Variants in ALOX12 observed in about 807,000 individuals in gnomAD.
The protein encoded by ALOX12 is polyunsaturated fatty acid lipoxygenase ALOX12.
A neutral mutation model predicts 85.5 loss-of-function variants in ALOX12; 62 were observed. The ratio of observed to expected loss-of-function variants is 0.73; its 90% CI spans 0.59 to 0.90. The LOEUF (loss-of-function observed/expected upper bound fraction) is 0.90. Ranked by LOEUF, ALOX12 falls within the 40% of genes least tolerant of loss-of-function variation. The pLI, the probability that ALOX12 is intolerant of heterozygous loss-of-function variation, is 0.00. For synonymous variants in ALOX12, 299 were observed against 332.7 expected (o/e 0.90, Z 1.10); for missense variants, 751 against 856.5 (o/e 0.88, Z 1.54).
At chr17:7,005,183 G>T (rs917553406) in intron 8 of ALOX12, 74 bp from the exon 9 acceptor site, 34 of 1,309,238 alleles carry the variant, frequency 2.6e-5, no homozygotes, top group Non-Finnish European at 3.7e-5. Context: ...GCGCCATGCT[G>T]GGTGCCAGGC....
rs2151639614 is a variant in ALOX12, at chr17:6,999,287, C to T, written c.647-19C>T. On this transcript the variant is annotated intron_variant, in intron 5 of 13. Transcript: ENST00000251535. ...TGCAGGCTGTGGTACATATATCCTC[C>T]TTTCACCGCCCACCAAAGAGAAGGT... is the stretch of plus-strand genomic sequence containing the variant. 6.2e-7 allele frequency: 1 copy of T among 1,614,050 alleles called. No individual in the cohort carries two copies. Among genetic ancestry groups the T allele is most frequent in the Non-Finnish European group, 8.5e-7 (1 of 1,179,952 alleles).
chr17:7,007,742 G>A (rs181884044), intron 11 of ALOX12, among the ~76,000 whole-genome samples: 9 of 152,138 alleles, frequency 5.9e-5, no homozygotes, highest in Non-Finnish European at 8.8e-5. Flanking sequence ...TTAGCCAGGC[G>A]TCGTGGCACG....
Position 6,998,944 on chromosome 17 carries a change from C to T in ALOX12, c.543-9C>T, listed in dbSNP as rs1908577944. 6.2e-7 allele frequency: 1 copy of T among 1,614,038 alleles called. No homozygotes were observed. The highest frequency in any genetic ancestry group is 1.3e-5 in the African/African-American group (1 of 74,926). On this transcript the variant is annotated splice_polypyrimidine_tract_variant and intron_variant, in intron 4 of 13. Transcript: ENST00000251535. Reference sequence around the variant, plus strand: ...CAGCTGATGAGTTAAGCCTCAATACCTGTCCTAGGGCTCTGGAGATGGCCC... The same window carrying T: ...CAGCTGATGAGTTAAGCCTCAATACTTGTCCTAGGGCTCTGGAGATGGCCC...
chr17:7,006,568 G>A lies in ALOX12; in HGVS notation c.1501G>A (p.Glu501Lys). 6.2e-7 allele frequency: 1 copy of A among 1,612,940 alleles called. No homozygotes were observed. The highest frequency in any genetic ancestry group is 8.5e-7 in the Non-Finnish European group (1 of 1,179,374). The part of the protein sequence containing the change: ...GDPELQAWCR[E>K]ITEVGLCQAQ... ...CCCTGAGCTGCAGGCCTGGTGTCGG[G>A]AGATCACGGAGGTGGGGCTGTGCCA... The change falls in exon 11 of 14, where the codon GAG (glutamate) becomes AAG (lysine). Residue 501 changes from glutamate to lysine, a missense_variant. Coordinates refer to ENST00000251535, the MANE Select transcript of ALOX12 (RefSeq NM_000697.3).
intron 11 of ALOX12, among the ~76,000 whole-genome samples, chr17:7,009,264 T>C (rs1305989247): frequency 6.6e-6 from 1 of 151,866 alleles, no homozygotes; most frequent in Non-Finnish European, 1.5e-5. Flanking sequence ...TTTCACCGTG[T>C]TAGCCAGGAT....
Position 6,998,750 on chromosome 17 carries a change from T to C in ALOX12, c.455T>C (p.Ile152Thr). The C allele has an allele frequency of 6.2e-7, 1 of 1,611,174 alleles. No homozygotes were observed. Among genetic ancestry groups the C allele is most frequent in the South Asian group, 1.1e-5 (1 of 90,926 alleles). Residue 152 changes from isoleucine to threonine, a missense_variant, in exon 4 of 14, where the codon ATC becomes ACC. By Grantham distance (89) the Ile-to-Thr change is moderately conservative. Coordinates refer to ENST00000251535, the MANE Select transcript of ALOX12 (RefSeq NM_000697.3). ...TGGAAGGAAGGGTTACCCCTGACCA[T>C]CGCTGCAGACCGTAAGGATGATCTA... ...ATWKEGLPLT[I>T]AADRKDDLPP...
chr17:7,000,249 A>G lies in ALOX12; in HGVS notation c.808-87A>G. ...GTACTGATGCAGGAGAATGGCAAGA[A>G]GCTAGACTAAATCTCTTGCCCTTTG... On this transcript the variant is annotated intron_variant, in intron 6 of 13. Coordinates refer to ENST00000251535, the MANE Select transcript of ALOX12 (RefSeq NM_000697.3). The surrounding 1 kb of genome is among the most constrained non-coding windows in gnomAD (Gnocchi z 4.6). The G allele has an allele frequency of 6.8e-7, 1 of 1,481,382 alleles. No individual in the cohort carries two copies. The highest frequency in any genetic ancestry group is 9.3e-7 in the Non-Finnish European group (1 of 1,076,896). The allele number at this position is 1,481,382 out of a possible 1,614,324, so 91.8% of individuals were successfully genotyped here. A position where few individuals can be genotyped will look rare whatever the true frequency, so the allele number is the denominator to read the frequency against.
intron 11 of ALOX12, among the ~76,000 whole-genome samples, chr17:7,007,245 A>C (rs1461431191): frequency 6.6e-6 from 1 of 152,162 alleles, no homozygotes; most frequent in African/African-American, 2.4e-5. Context: ...CACTACCTTT[A>C]GTCAACTCTC....
At position 6,999,233 on chromosome 17, in the gene ALOX12, C is replaced by T. The variant is rs1283165450; in HGVS notation, c.647-73C>T. ...GTTCAGGGAGGGTTATATACCTGAA[C>T]CCCTGGGGTAGATTTTGGAGAAGGG... On this transcript the variant is annotated intron_variant, in intron 5 of 13. Transcript: ENST00000251535. 1.4e-5 allele frequency: 22 copies of T among 1,595,280 alleles called. No homozygotes were observed. In the Admixed American group the frequency reaches 2.2e-4, roughly 16 times the overall value.
At position 7,000,235 on chromosome 17, in the gene ALOX12, G is replaced by A; in HGVS notation, c.808-101G>A. 1.4e-6 allele frequency: 2 copies of A among 1,409,628 alleles called. No homozygotes were observed. Among genetic ancestry groups the A allele is most frequent in the Admixed American group, 1.9e-5 (1 of 53,754 alleles). 87.3% of individuals were successfully genotyped at this position (1,409,628 alleles called of 1,614,324 possible). A position where few individuals can be genotyped will look rare whatever the true frequency, so the allele number is the denominator to read the frequency against. On this transcript the variant is annotated intron_variant, in intron 6 of 13. Coordinates refer to ENST00000251535, the MANE Select transcript of ALOX12 (RefSeq NM_000697.3). The surrounding 1 kb of genome is among the most constrained non-coding windows in gnomAD (Gnocchi z 4.6). ...CCAACAGGGCTCCGGTACTGATGCA[G>A]GAGAATGGCAAGAAGCTAGACTAAA...
chr17:7,008,303 G>C (rs1385638488), intron 11 of ALOX12, among the ~76,000 whole-genome samples: 1 of 152,112 alleles, frequency 6.6e-6, no homozygotes, highest in Admixed American at 6.5e-5. Context: ...AGTTTTCCCA[G>C]CAGACATTTT....
rs1909303782 is a variant in ALOX12 at position 7,010,015 on chromosome 17, C to T, written c.1701C>T (p.Thr567=). The T allele has an allele frequency of 1.9e-6, 3 of 1,614,224 alleles. No individual in the cohort carries two copies. Among genetic ancestry groups the T allele is most frequent in the Non-Finnish European group, 2.5e-6 (3 of 1,180,042 alleles). The change falls in exon 13 of 14, where the codon ACC becomes ACT. Residue 567 remains threonine (T), a synonymous_variant. Coordinates refer to ENST00000251535, the MANE Select transcript of ALOX12 (RefSeq NM_000697.3). ...APCTMRMPPP[T]TKEDVTMATV... is the part of the protein sequence containing the mutation. Reference sequence around the variant, plus strand: ...GCACAATGCGGATGCCCCCACCCACCACCAAGGAAGATGTGACGATGGCCA... The same window carrying T: ...GCACAATGCGGATGCCCCCACCCACTACCAAGGAAGATGTGACGATGGCCA...
chr17:7,009,155 GT>G (rs1161133372), intron 11 of ALOX12, among the ~76,000 whole-genome samples: 3 of 151,434 alleles, frequency 2.0e-5, no homozygotes, highest in Non-Finnish European at 4.4e-5. Context: ...TGCCTCCCGG[GT>G]TCACGCCATT....
chr17:7,010,523 C>T lies in ALOX12; in HGVS notation c.*100C>T. On this transcript the variant is annotated 3_prime_UTR_variant, in exon 14 of 14. Transcript: ENST00000251535. ...TCCTAAAGTCTCTGCTGCTAAGGCT[C>T]TATTTCCTCCCCCAGTTAAACCCCC... is the stretch of plus-strand genomic sequence containing the variant. 1 of 1,403,060 alleles carries T rather than the reference C, an allele frequency of 7.1e-7. No individual in the cohort carries two copies. The highest frequency in any genetic ancestry group is 9.5e-7 in the Non-Finnish European group (1 of 1,049,594). 86.9% of individuals were successfully genotyped at this position (1,403,060 alleles called of 1,614,324 possible). A position where few individuals can be genotyped will look rare whatever the true frequency, so the allele number is the denominator to read the frequency against.
At chr17:7,004,076 A>AAT (rs71157234) in intron 8 of ALOX12, among the ~76,000 whole-genome samples, 2 of 143,724 alleles carry the variant, frequency 1.4e-5, no homozygotes, top group East Asian at 4.0e-4. Context: ...ATTTTAATTT[A>AAT]TTAAAATTAA....
chr17:7,006,375 G>A, intron 10 of ALOX12, 111 bp from the exon 11 acceptor site: 1 of 1,528,014 alleles, frequency 6.5e-7, no homozygotes, highest in South Asian at 1.2e-5. Flanking sequence ...TGTCCCAAAG[G>A]CGAGGTGTCT....
chr17:7,008,115 C>T (rs1318500933), intron 11 of ALOX12, among the ~76,000 whole-genome samples: 1 of 152,176 alleles, frequency 6.6e-6, no homozygotes, highest in Non-Finnish European at 1.5e-5. Flanking sequence ...GGGCTGCACC[C>T]TCACACCCTA....
At chr17:7,001,377 G>A in intron 7 of ALOX12, 1 of 576,340 alleles carries the variant, frequency 1.7e-6, no homozygotes, top group Non-Finnish European at 3.1e-6. Flanking sequence ...CCACACCACT[G>A]TTAGGGCCTC....
At position 6,998,651 on chromosome 17, in the gene ALOX12, C is replaced by G; in HGVS notation, c.419+61C>G. 3.2e-6 allele frequency: 5 copies of G among 1,568,012 alleles called. No homozygotes were observed. The South Asian group carries it at 3.3e-5, about 10-fold the overall frequency. On this transcript the variant is annotated intron_variant, in intron 3 of 13. Transcript: ENST00000251535. Reference sequence around the variant, plus strand: ...CTGTCCCACCCCTTCCCTGCCCCTGCCCCTGCCCCTGGCCCCATCACTGAC... The same window carrying G: ...CTGTCCCACCCCTTCCCTGCCCCTGGCCCTGCCCCTGGCCCCATCACTGAC...
Sources: gnomAD v4.1 joint callset for allele counts (sites outside exome capture counted in the v4.1 genomes callset) on GRCh38, gnomAD v4.1.1 for gene constraint, Gnocchi (gnomAD v3.1) non-coding constraint, MANE v1.5 for transcripts, NCBI Gene and HGNC (gene_info 2026-07-23, HGNC 2026-07-21) for gene names.